DYNC1I2: variants seen among roughly 807,000 people sequenced by gnomAD.
The protein encoded by DYNC1I2 is cytoplasmic dynein 1 intermediate chain 2.
Under a neutral mutation model 88.6 loss-of-function variants are expected in DYNC1I2, and 53 were observed. The ratio of observed to expected loss-of-function variants is 0.60; its 90% CI spans 0.48 to 0.75. The LOEUF is 0.75. DYNC1I2 is among the 30% of genes least tolerant of loss of function. The pLI is 0.00. For synonymous variants in DYNC1I2, 198 were observed against 254.6 expected, an observed-to-expected ratio of 0.78 and a Z score of 2.12; for missense variants, 458 against 766.6, an observed-to-expected ratio of 0.60 and a Z score of 4.75.
At chr2:171,717,193 A>G (rs1275029356) in intron 7 of DYNC1I2, among the ~76,000 whole-genome samples, 1 of 134,008 alleles carries the variant, frequency 7.5e-6, no homozygotes, top group Non-Finnish European at 1.5e-5. Flanking sequence ...CCCAGGCTGG[A>G]GTGCAGTGGC....
rs79359755 is a variant in DYNC1I2, at chr2:171,748,956, C to G, written c.*1067C>G. Among the ~76,000 whole-genome samples, 1 of 152,150 alleles carries G rather than the reference C, an allele frequency of 6.6e-6. No homozygotes were observed. The highest frequency in any genetic ancestry group is 1.5e-5 in the Non-Finnish European group (1 of 68,014). Reference sequence around the variant, plus strand: ...CAGGAATAGAGGAAAGGACTATGATCAGATCTTGATTTTATCTACTTTAAA... The same window carrying G: ...CAGGAATAGAGGAAAGGACTATGATGAGATCTTGATTTTATCTACTTTAAA... On this transcript the variant is annotated 3_prime_UTR_variant, in exon 18 of 18. Coordinates refer to ENST00000397119, the MANE Select transcript of DYNC1I2 (RefSeq NM_001378.3).
At chr2:171,705,132 T>C (rs1686581295) in intron 3 of DYNC1I2, among the ~76,000 whole-genome samples, 1 of 152,160 alleles carries the variant, frequency 6.6e-6, no homozygotes, top group African/African-American at 2.4e-5. Context: ...TGTGATAATA[T>C]GGTAGCATCA....
At chr2:171,703,524 G>A (rs1574528412) in intron 3 of DYNC1I2, among the ~76,000 whole-genome samples, 2 of 152,172 alleles carry the variant, frequency 1.3e-5, no homozygotes, top group Middle Eastern at 3.4e-3. Flanking sequence ...CATCACACCC[G>A]AGCTAAAATG....
intron 10 of DYNC1I2, 193 bp from the exon 11 acceptor site, chr2:171,726,598 T>C (rs1264383695): frequency 1.6e-6 from 1 of 621,000 alleles, no homozygotes; most frequent in African/African-American, 1.9e-5. Flanking sequence ...ATTAAAACAT[T>C]TAAAATAATT....
In DYNC1I2 at chr2:171,733,459, C is replaced by CTTTTTTTTTTTTTTTTTTTTTTTTTTTT. The variant is rs61079902; in HGVS notation, c.1536+3609_1536+3636dup. On this transcript the variant is annotated intron_variant, in intron 15 of 17. Coordinates refer to ENST00000397119, the MANE Select transcript of DYNC1I2 (RefSeq NM_001378.3). The stretch of plus-strand genomic sequence containing the variant: ...TTTTTCTCCACAACCTTGCCAGCAT[C>CTTTTTTTTTTTTTTTTTTTTTTTTTTTT]TTTTTTTTTTTTTTTTTTTTTTTTT... Among the ~76,000 whole-genome samples, 26 of 55,804 alleles carry CTTTTTTTTTTTTTTTTTTTTTTTTTTTT rather than the reference C, an allele frequency of 4.7e-4. 2 individuals are homozygous for CTTTTTTTTTTTTTTTTTTTTTTTTTTTT. The highest frequency in any genetic ancestry group is 0.019 in the Middle Eastern group (1 of 54). 36.6% of individuals were successfully genotyped at this position (55,804 alleles called of 152,430 possible).
chr2:171,723,468 G>A (rs1688030654), intron 7 of DYNC1I2, among the ~76,000 whole-genome samples: 1 of 152,142 alleles, frequency 6.6e-6, no homozygotes, highest in African/African-American at 2.4e-5. Flanking sequence ...CAGCTTGTAA[G>A]TTAAATGTAA....
chr2:171,694,314 G>T (rs924999433), intron 3 of DYNC1I2, among the ~76,000 whole-genome samples: 1 of 151,326 alleles, frequency 6.6e-6, no homozygotes, highest in Non-Finnish European at 1.5e-5. Flanking sequence ...TTAATTTATG[G>T]CTGGGTTAGT....
At chr2:171,690,991 G>A (rs965321957) in intron 2 of DYNC1I2, among the ~76,000 whole-genome samples, 3 of 152,064 alleles carry the variant, frequency 2.0e-5, no homozygotes, top group Non-Finnish European at 2.9e-5. Context: ...TAAATATGGT[G>A]TATATATATC....
intron 3 of DYNC1I2, among the ~76,000 whole-genome samples, chr2:171,696,436 A>G (rs1418732232): frequency 1.3e-5 from 2 of 152,178 alleles, no homozygotes; most frequent in Non-Finnish European, 2.9e-5. Flanking sequence ...TTTGGTCCCA[A>G]ACATTTTGGG....
chr2:171,727,785 T>G, intron 11 of DYNC1I2, 36 bp from the exon 12 acceptor site: 1 of 1,593,848 alleles, frequency 6.3e-7, no homozygotes, highest in African/African-American at 1.3e-5. Flanking sequence ...CATTTTCCAT[T>G]TGAATCTCAA....
Position 171,690,270 on chromosome 2 carries a change from T to C in DYNC1I2, c.108+7T>C, listed in dbSNP as rs990384954. ...AGAAAGGAAAAAAAAAGAAGTATGTTTGATTTTTTTGCTTAAATAAACAAC... is the reference window on the plus strand; with the variant it reads ...AGAAAGGAAAAAAAAAGAAGTATGTCTGATTTTTTTGCTTAAATAAACAAC... On this transcript the variant is annotated splice_region_variant and intron_variant, in intron 2 of 17. Coordinates refer to ENST00000397119, the MANE Select transcript of DYNC1I2 (RefSeq NM_001378.3). 6.5e-7 allele frequency: 1 copy of C among 1,530,180 alleles called. No individual in the cohort carries two copies. 94.8% of individuals were successfully genotyped at this position (1,530,180 alleles called of 1,614,324 possible).
intron 3 of DYNC1I2, among the ~76,000 whole-genome samples, chr2:171,700,491 A>T (rs909295550): frequency 1.3e-5 from 2 of 152,214 alleles, no homozygotes; most frequent in African/African-American, 2.4e-5. Flanking sequence ...TAGCCTTATA[A>T]GTGATGAAAG....
chr2:171,733,422 T>G (rs1448335117), intron 15 of DYNC1I2, among the ~76,000 whole-genome samples: 1 of 141,412 alleles, frequency 7.1e-6, no homozygotes, highest in East Asian at 2.1e-4. Context: ...ACCAACAGTG[T>G]AAAAACGTTC....
At position 171,727,943 on chromosome 2, in the gene DYNC1I2, T is replaced by G; in HGVS notation, c.1119T>G (p.Thr373=). 6.2e-7 allele frequency: 1 copy of G among 1,613,214 alleles called. No homozygotes were observed. Among genetic ancestry groups the G allele is most frequent in the Non-Finnish European group, 8.5e-7 (1 of 1,179,376 alleles). ...ATAAAAGAACTCCAGTGCAAAGAAC[T>G]CCACTGTCAGCAGCTGCACACACAG... The part of the protein sequence containing the change: ...RSNKRTPVQR[T]PLSAAAHTHP... Residue 373 remains threonine, a synonymous_variant, in exon 12 of 18, where the codon ACT becomes ACG. Transcript: ENST00000397119.
rs373525322 is a variant in DYNC1I2 at position 171,695,161 on chromosome 2, G to A, written c.226+2267G>A. Among the ~76,000 whole-genome samples the A allele has an allele frequency of 1.8e-4, 28 of 151,702 alleles. No homozygotes were observed. The East Asian group carries it at 4.7e-3, about 25-fold the overall frequency. ...GTCGCCCAGGCTGTAGTGCAATCACGTGATCTCAGCTCACTGCAACCTCCA... is the reference window on the plus strand; with the variant it reads ...GTCGCCCAGGCTGTAGTGCAATCACATGATCTCAGCTCACTGCAACCTCCA... On this transcript the variant is annotated intron_variant, in intron 3 of 17. Transcript: ENST00000397119.
At chr2:171,712,919 T>C (rs1687222740) in intron 6 of DYNC1I2, 93 bp downstream of exon 6, 1 of 1,073,560 alleles carries the variant, frequency 9.3e-7, no homozygotes, top group Non-Finnish European at 1.4e-6. Flanking sequence ...TTTATAATAT[T>C]GTATCACGTA....
chr2:171,733,006 G>C (rs958232322), intron 15 of DYNC1I2, among the ~76,000 whole-genome samples: 6 of 152,050 alleles, frequency 3.9e-5, no homozygotes, highest in African/African-American at 1.4e-4. Flanking sequence ...CTCACCCTTC[G>C]ATAGGCCCCA....
At chr2:171,713,327 T>C (rs1040014752) in intron 6 of DYNC1I2, among the ~76,000 whole-genome samples, 12 of 152,056 alleles carry the variant, frequency 7.9e-5, no homozygotes, top group African/African-American at 2.7e-4. Flanking sequence ...AATGGATTAA[T>C]AGATTATTCA....
At chr2:171,702,839 A>G (rs754463260) in intron 3 of DYNC1I2, among the ~76,000 whole-genome samples, 1 of 152,044 alleles carries the variant, frequency 6.6e-6, no homozygotes, top group Non-Finnish European at 1.5e-5. Context: ...CAGCCTCCCA[A>G]GTAGCTTGGA....
Sources: allele counts gnomAD v4.1 joint callset (sites outside exome capture counted in the v4.1 genomes callset), GRCh38; gene constraint gnomAD v4.1.1; transcripts MANE v1.5; gene names NCBI Gene and HGNC (gene_info 2026-07-23, HGNC 2026-07-21).